The following LUZP2 variants were observed in gnomAD, a reference collection of about 807,000 sequenced individuals.
LUZP2 encodes the protein leucine zipper protein 2.
In LUZP2, 52 loss-of-function variants were observed where a neutral mutation model predicts 51.6. The ratio of observed to expected loss-of-function variants is 1.01; its 90% CI spans 0.81 to 1.27. The LOEUF is 1.27. LUZP2 is among the 50% of genes most tolerant of loss of function. The probability of loss-of-function intolerance (pLI) is 0.00; values close to 1 mark genes in which losing one functional copy is unlikely to be tolerated. For missense variants in LUZP2, 436 were observed against 395.4 expected, an observed-to-expected ratio of 1.10 and a Z score of -0.87; for synonymous variants, 154 against 137.3, an observed-to-expected ratio of 1.12 and a Z score of -0.85.
chr11:24,805,007 C>CTTTTT (rs71044307), intron 5 of LUZP2, among the ~76,000 whole-genome samples: 1 of 141,584 alleles, frequency 7.1e-6, no homozygotes. Context: ...ACCCGGCTAA[C>CTTTTT]TTTTTTTTTT....
chr11:24,867,216 C>T (rs796918925), intron 5 of LUZP2, among the ~76,000 whole-genome samples: 1 of 152,256 alleles, frequency 6.6e-6, no homozygotes, highest in East Asian at 1.9e-4. Context: ...GCATTCTCAT[C>T]TTACGGTAAG....
At chr11:24,550,071 G>A (rs1219542806) in intron 1 of LUZP2, among the ~76,000 whole-genome samples, 1 of 151,966 alleles carries the variant, frequency 6.6e-6, no homozygotes, top group Non-Finnish European at 1.5e-5. Context: ...CTACAATTAT[G>A]TGAAATCTTT....
chr11:24,810,044 C>T (rs1283376590), intron 5 of LUZP2, among the ~76,000 whole-genome samples: 2 of 152,146 alleles, frequency 1.3e-5, no homozygotes, highest in Non-Finnish European at 2.9e-5. Context: ...CATGTAACTG[C>T]AGAGGAGCGG....
At chr11:25,045,678 A>G (rs77489347) in intron 9 of LUZP2, among the ~76,000 whole-genome samples, 5,982 of 152,256 alleles carry the variant, frequency 0.039, 370 homozygotes, top group African/African-American at 0.13. Context: ...TTTACTGAAT[A>G]TCTATGCTAA....
chr11:25,078,469 T>C, intron 11 of LUZP2, 85 bp from the exon 12 acceptor site: 1 of 1,005,894 alleles, frequency 9.9e-7, no homozygotes, highest in South Asian at 1.5e-5. Flanking sequence ...TGAATTTCCA[T>C]TCTTATTCTT....
chr11:24,745,000 C>G (rs1264726639), intron 4 of LUZP2, among the ~76,000 whole-genome samples: 2 of 152,078 alleles, frequency 1.3e-5, no homozygotes, highest in Non-Finnish European at 2.9e-5. Flanking sequence ...ATTTAATTTC[C>G]ATGTATTTGC....
At chr11:25,061,195 C>T (rs1209565162) in intron 10 of LUZP2, among the ~76,000 whole-genome samples, 2 of 152,160 alleles carry the variant, frequency 1.3e-5, no homozygotes, top group Non-Finnish European at 2.9e-5. Context: ...AGAGACATCA[C>T]AGGATTAGAG....
intron 1 of LUZP2, among the ~76,000 whole-genome samples, chr11:24,603,031 C>T (rs1417267059): frequency 6.6e-6 from 1 of 151,734 alleles, no homozygotes; most frequent in Non-Finnish European, 1.5e-5. Context: ...TTCCAAATTT[C>T]TAAAGTAAAA....
chr11:24,986,074 G>A (rs1856179675), intron 9 of LUZP2, among the ~76,000 whole-genome samples: 1 of 151,634 alleles, frequency 6.6e-6, no homozygotes, highest in Non-Finnish European at 1.5e-5. Context: ...TGAGAGCCAT[G>A]ACTTTTCTAT....
intron 7 of LUZP2, among the ~76,000 whole-genome samples, chr11:24,922,362 A>G (rs1342841931): frequency 6.6e-6 from 1 of 152,204 alleles, no homozygotes; most frequent in Non-Finnish European, 1.5e-5. Context: ...CCATGTATGT[A>G]TAACAGAGTG....
chr11:24,595,040 G>T (rs979115693), intron 1 of LUZP2, among the ~76,000 whole-genome samples: 1 of 151,780 alleles, frequency 6.6e-6, no homozygotes, highest in African/African-American at 2.4e-5. Flanking sequence ...GATTACAGGC[G>T]TAAGCCACCA....
chr11:24,581,648 G>A (rs1275889477), intron 1 of LUZP2, among the ~76,000 whole-genome samples: 1 of 151,352 alleles, frequency 6.6e-6, no homozygotes, highest in Admixed American at 6.6e-5. Context: ...TCCAGCCTGG[G>A]TGACAGAGTG....
At chr11:24,692,541 T>C (rs1857107736) in intron 1 of LUZP2, among the ~76,000 whole-genome samples, 1 of 152,080 alleles carries the variant, frequency 6.6e-6, no homozygotes, top group African/African-American at 2.4e-5. Flanking sequence ...TGTTACACTG[T>C]AACATTACAC....
intron 1 of LUZP2, among the ~76,000 whole-genome samples, chr11:24,652,986 A>T (rs948401339): frequency 6.6e-6 from 1 of 152,200 alleles, no homozygotes; most frequent in Admixed American, 6.5e-5. Context: ...AAAATTTAGA[A>T]TTGTGTCAAA....
intron 9 of LUZP2, among the ~76,000 whole-genome samples, chr11:25,027,596 G>A (rs867477306): frequency 7.2e-5 from 11 of 152,004 alleles, no homozygotes; most frequent in Admixed American, 2.0e-4. Flanking sequence ...TTTAGGTCGG[G>A]CACAGTGGCT....
chr11:24,644,224 A>G (rs1488705004), intron 1 of LUZP2, among the ~76,000 whole-genome samples: 1 of 152,148 alleles, frequency 6.6e-6, no homozygotes, highest in African/African-American at 2.4e-5. Context: ...GATGGAAAGG[A>G]TGCTTGACTC....
Position 24,798,760 on chromosome 11 carries a change from T to A in LUZP2, c.396+35452T>A, listed in dbSNP as rs1472652973. ...AGAGGAGAAGGGATTCCCTAGAGCC[T>A]GTGGGAGAGTTGACATAAGGGAAAG... On this transcript the variant is annotated intron_variant, in intron 5 of 11. Transcript: ENST00000336930. Among the ~76,000 whole-genome samples the A allele has an allele frequency of 2.0e-5, 3 of 152,032 alleles. No individual in the cohort carries two copies. In the East Asian group the frequency reaches 5.8e-4, roughly 29 times the overall value.
At chr11:24,715,263 ATGTGTGTGTGTG>A (rs58368050) in intron 1 of LUZP2, among the ~76,000 whole-genome samples, 2,164 of 133,964 alleles carry the variant, frequency 0.016, 29 homozygotes, top group Middle Eastern at 0.021. Flanking sequence ...AGGAGCAACT[ATGTGTGTGTGTG>A]TGTGTGTGTG....
chr11:24,876,646 T>C (rs1311351693), intron 5 of LUZP2, among the ~76,000 whole-genome samples: 2 of 151,910 alleles, frequency 1.3e-5, no homozygotes, highest in Non-Finnish European at 2.9e-5. Context: ...AAGTCATTGG[T>C]AGCTTGATGG....
Sources: gnomAD v4.1 joint callset for allele counts (sites outside exome capture counted in the v4.1 genomes callset) on GRCh38, gnomAD v4.1.1 for gene constraint, MANE v1.5 for transcripts, NCBI Gene and HGNC (gene_info 2026-07-23, HGNC 2026-07-21) for gene names.